MACROD2: variants seen among roughly 807,000 people sequenced by gnomAD.
MACROD2 encodes the protein ADP-ribose glycohydrolase MACROD2.
A neutral mutation model predicts 70.4 loss-of-function variants in MACROD2; 36 were observed. That is an observed-to-expected ratio of 0.51 (90% CI 0.39 to 0.68). The LOEUF (loss-of-function observed/expected upper bound fraction) is 0.68, where lower values mean the gene tolerates loss of function less well. Among genes scored for constraint, MACROD2 ranks in the 30% least tolerant of loss-of-function variants. The probability of loss-of-function intolerance (pLI) is 0.00; values close to 1 mark genes in which losing one functional copy is unlikely to be tolerated. For missense variants in MACROD2, 496 were observed against 538.4 expected (o/e 0.92, Z 0.78); for synonymous variants, 172 against 178.8 (o/e 0.96, Z 0.30).
At chr20:15,934,999 C>T (rs1332737162) in intron 11 of MACROD2, among the ~76,000 whole-genome samples, 2 of 84,226 alleles carry the variant, frequency 2.4e-5, no homozygotes, top group African/African-American at 4.1e-5. Flanking sequence ...CCAAAGTGTC[C>T]TTATCGAAAA....
intron 5 of MACROD2, among the ~76,000 whole-genome samples, chr20:15,151,794 T>A (rs2076271797): frequency 6.6e-6 from 1 of 151,980 alleles, no homozygotes; most frequent in Non-Finnish European, 1.5e-5. Flanking sequence ...GGAGGGCTAG[T>A]CATGGAACGA....
At chr20:15,706,974 A>G (rs1257458467) in intron 8 of MACROD2, among the ~76,000 whole-genome samples, 2 of 152,180 alleles carry the variant, frequency 1.3e-5, no homozygotes, top group East Asian at 3.8e-4. Flanking sequence ...ACTAAGTTGG[A>G]TGGCTTTCTG....
At chr20:14,069,378 G>A (rs1390766477) in intron 2 of MACROD2, among the ~76,000 whole-genome samples, 1 of 152,002 alleles carries the variant, frequency 6.6e-6, no homozygotes, top group Non-Finnish European at 1.5e-5. Context: ...ATCCCTGCAT[G>A]ACATGTGAGC....
At chr20:15,539,624 T>C (rs966556942) in intron 8 of MACROD2, among the ~76,000 whole-genome samples, 5 of 152,232 alleles carry the variant, frequency 3.3e-5, no homozygotes, top group African/African-American at 1.2e-4. Context: ...AGTTATCCAG[T>C]GTATTGACAG....
In MACROD2 at chr20:14,067,034, A is replaced by G. The variant is rs1206571085; in HGVS notation, c.164-18587A>G. ...CACCTTGTTAGCCAGGATGGTCTCA[A>G]TCTCCTGACCTCGTGATCCGCCCGT... On this transcript the variant is annotated intron_variant, in intron 2 of 17. Coordinates refer to ENST00000684519, the MANE Select transcript of MACROD2 (RefSeq NM_001351661.2). Among the ~76,000 whole-genome samples, 7 of 150,096 alleles carry G rather than the reference A, an allele frequency of 4.7e-5. No individual in the cohort carries two copies. In the South Asian group the frequency reaches 1.1e-3, roughly 23 times the overall value.
At chr20:14,533,890 C>G (rs1381317158) in intron 4 of MACROD2, among the ~76,000 whole-genome samples, 1 of 152,168 alleles carries the variant, frequency 6.6e-6, no homozygotes, top group African/African-American at 2.4e-5. Flanking sequence ...CATGGATATA[C>G]TTTTGGATAC....
chr20:15,993,087 A>G (rs1215980696), intron 15 of MACROD2, among the ~76,000 whole-genome samples: 2 of 152,214 alleles, frequency 1.3e-5, no homozygotes, highest in African/African-American at 2.4e-5. Context: ...AAGACATTAT[A>G]TAATGCTAAA....
chr20:15,985,971 CA>C (rs1351268258), intron 13 of MACROD2: 1 of 152,270 alleles, frequency 6.6e-6, no homozygotes, highest in Non-Finnish European at 1.5e-5. Context: ...GGGTACGTGA[CA>C]GGGGCTGCAT....
At chr20:15,988,855 T>C (rs577972738) in intron 15 of MACROD2, among the ~76,000 whole-genome samples, 1 of 152,190 alleles carries the variant, frequency 6.6e-6, no homozygotes, top group Non-Finnish European at 1.5e-5. Flanking sequence ...GTGTTTAAAT[T>C]TGAAATAATT....
At chr20:16,035,193 A>AAT (rs1385215270) in intron 15 of MACROD2, among the ~76,000 whole-genome samples, 4 of 120,836 alleles carry the variant, frequency 3.3e-5, no homozygotes, top group African/African-American at 1.4e-4. Flanking sequence ...TTATATATAA[A>AAT]ATATAATATA....
intron 3 of MACROD2, among the ~76,000 whole-genome samples, chr20:14,269,177 A>G (rs1601417572): frequency 6.6e-6 from 1 of 152,182 alleles, no homozygotes; most frequent in Non-Finnish European, 1.5e-5. Flanking sequence ...CGACCTTCAT[A>G]AATTGGCTTA....
At chr20:15,315,301 C>T (rs1307364016) in intron 6 of MACROD2, among the ~76,000 whole-genome samples, 1 of 152,122 alleles carries the variant, frequency 6.6e-6, no homozygotes, top group Non-Finnish European at 1.5e-5. Flanking sequence ...ATGGCCAAAG[C>T]TCTCCATATT....
At chr20:14,831,435 T>A (rs1198760716) in intron 5 of MACROD2, among the ~76,000 whole-genome samples, 2 of 151,976 alleles carry the variant, frequency 1.3e-5, no homozygotes, top group African/African-American at 4.8e-5. Flanking sequence ...ATTTGCCTTT[T>A]GACAGTTACT....
intron 4 of MACROD2, among the ~76,000 whole-genome samples, chr20:14,552,583 T>C (rs1039678454): frequency 6.6e-6 from 1 of 152,030 alleles, no homozygotes; most frequent in Non-Finnish European, 1.5e-5. Flanking sequence ...TAGGCAATTA[T>C]GTTGTTGTGT....
intron 3 of MACROD2, among the ~76,000 whole-genome samples, chr20:14,231,211 A>G (rs941917735): frequency 2.0e-5 from 3 of 151,736 alleles, no homozygotes; most frequent in Non-Finnish European, 2.9e-5. Context: ...ATATGTATAC[A>G]TGTGCCATGT....
chr20:15,566,304 C>T lies in MACROD2; in HGVS notation c.645+66457C>T, dbSNP rs143536440. On this transcript the variant is annotated intron_variant, in intron 8 of 17. Coordinates refer to ENST00000684519, the MANE Select transcript of MACROD2 (RefSeq NM_001351661.2). ...TTCAAGACCAGCCTGGCCAACATGG[C>T]GAAACCCACCCCCCACCGTCTCTAC... Among the ~76,000 whole-genome samples the T allele has an allele frequency of 1.6e-3, 240 of 151,912 alleles. 6 individuals are homozygous for T. In the East Asian group the frequency reaches 0.043, roughly 27 times the overall value.
chr20:15,573,075 C>T (rs184676057), intron 8 of MACROD2, among the ~76,000 whole-genome samples: 6 of 152,000 alleles, frequency 3.9e-5, no homozygotes, highest in Admixed American at 1.3e-4. Context: ...TTTGGAACAC[C>T]GTAAGGCACA....
intron 8 of MACROD2, among the ~76,000 whole-genome samples, chr20:15,855,714 A>G (rs1490526745): frequency 6.6e-6 from 1 of 152,174 alleles, no homozygotes; most frequent in East Asian, 1.9e-4. Context: ...ATTAACTTCT[A>G]ACTCCATCGA....
intron 3 of MACROD2, among the ~76,000 whole-genome samples, chr20:14,489,099 A>G (rs796592993): frequency 5.5e-4 from 84 of 152,340 alleles, no homozygotes; most frequent in African/African-American, 1.7e-3. Flanking sequence ...CTGTAGTAGC[A>G]TGAACTGTAA....
Sources: gnomAD v4.1 joint callset for allele counts (sites outside exome capture counted in the v4.1 genomes callset) on GRCh38, gnomAD v4.1.1 for gene constraint, MANE v1.5 for transcripts, NCBI Gene and HGNC (gene_info 2026-07-23, HGNC 2026-07-21) for gene names.